Variants in NMNAT2 observed in about 807,000 individuals in gnomAD.
NMNAT2 encodes nicotinamide/nicotinic acid mononucleotide adenylyltransferase 2.
In NMNAT2, 11 loss-of-function variants were observed where a neutral mutation model predicts 41.6. That is an observed-to-expected ratio of 0.26 (90% confidence interval 0.17 to 0.44). The LOEUF is 0.44. Ranked by LOEUF, NMNAT2 falls within the 20% of genes least tolerant of loss-of-function variation. The probability of loss-of-function intolerance (pLI) is 1.00; values close to 1 mark genes in which losing one functional copy is unlikely to be tolerated. For missense variants in NMNAT2, 288 were observed against 407.7 expected (o/e 0.71, Z 2.53); for synonymous variants, 148 against 151.2 (o/e 0.98, Z 0.16).
intron 1 of NMNAT2, among the ~76,000 whole-genome samples, chr1:183,338,542 C>T (rs1011707034): frequency 2.0e-5 from 3 of 152,136 alleles, no homozygotes; most frequent in Admixed American, 6.5e-5. Context: ...ATGACTCACA[C>T]GGTCTTATGA....
chr1:183,404,543 A>G (rs1293967076), intron 1 of NMNAT2, among the ~76,000 whole-genome samples: 3 of 152,218 alleles, frequency 2.0e-5, no homozygotes, highest in African/African-American at 7.2e-5. Context: ...CTGATATAGG[A>G]ACATCTTCTA....
chr1:183,286,360 G>A (rs533218802), intron 5 of NMNAT2, among the ~76,000 whole-genome samples: 2 of 152,234 alleles, frequency 1.3e-5, no homozygotes, highest in Non-Finnish European at 2.9e-5. Context: ...CCAAAGTGCT[G>A]GGATTACAGG....
chr1:183,289,495 C>T (rs1423772093), intron 4 of NMNAT2, among the ~76,000 whole-genome samples: 1 of 152,252 alleles, frequency 6.6e-6, no homozygotes, highest in Admixed American at 6.5e-5. Flanking sequence ...AAGCTCTCGC[C>T]TATCTGTGTT....
At chr1:183,270,129 C>G (rs1224149930) in intron 8 of NMNAT2, among the ~76,000 whole-genome samples, 1 of 152,162 alleles carries the variant, frequency 6.6e-6, no homozygotes, top group Non-Finnish European at 1.5e-5. Flanking sequence ...CGTGATCCAC[C>G]CATCTCGGCC....
intron 1 of NMNAT2, among the ~76,000 whole-genome samples, chr1:183,307,932 C>G (rs1263597445): frequency 6.6e-6 from 1 of 152,136 alleles, no homozygotes; most frequent in Non-Finnish European, 1.5e-5. Context: ...GGGGAGGGCG[C>G]GTGCTGCATT....
At chr1:183,252,827 C>G in intron 10 of NMNAT2, 84 bp from the exon 11 acceptor site, 3 of 974,566 alleles carry the variant, frequency 3.1e-6, no homozygotes, top group Non-Finnish European at 5.0e-6. Context: ...CTCCCCAGCA[C>G]CCCATTTGTA....
Position 183,260,985 on chromosome 1 carries a change from C to A in NMNAT2, c.821+17G>T, listed in dbSNP as rs1400950567. The A allele has an allele frequency of 6.3e-7, 1 of 1,598,082 alleles. No homozygotes were observed. The highest frequency in any genetic ancestry group is 1.3e-5 in the African/African-American group (1 of 74,570). On this transcript the variant is annotated intron_variant, in intron 10 of 10. Transcript: ENST00000287713. ...GACAGTTTGACTAAAGTCTCTCTGG[C>A]CATTTGTCAAACATACCTGCTCTTG...
intron 1 of NMNAT2, among the ~76,000 whole-genome samples, chr1:183,340,187 A>G (rs1307094014): frequency 6.6e-6 from 1 of 152,216 alleles, no homozygotes; most frequent in African/African-American, 2.4e-5. Flanking sequence ...AAGAGCAGAC[A>G]TCTGTACTGG....
intron 1 of NMNAT2, among the ~76,000 whole-genome samples, chr1:183,376,906 T>A (rs1571626941): frequency 6.6e-6 from 1 of 152,048 alleles, no homozygotes; most frequent in Non-Finnish European, 1.5e-5. Context: ...CAGTTAACTA[T>A]CAAAAATAAG....
chr1:183,368,773 C>T lies in NMNAT2; in HGVS notation c.85+49410G>A, dbSNP rs182566568. Among the ~76,000 whole-genome samples, 60 of 152,316 alleles carry T rather than the reference C, an allele frequency of 3.9e-4. 2 individuals carry two copies. In the East Asian group the frequency reaches 0.011, roughly 27 times the overall value. On this transcript the variant is annotated intron_variant, in intron 1 of 10. Transcript: ENST00000287713. ...TCTCAGTCATCCTGCGTTGATACCA[C>T]TTAATTGGATGTATTCCCCAGTAGA...
rs1448372591 is a variant in NMNAT2, at chr1:183,341,522, G to A, written c.86-47729C>T. Among the ~76,000 whole-genome samples, 32 of 34,456 alleles carry A rather than the reference G, an allele frequency of 9.3e-4. No homozygotes were observed. The South Asian group carries it at 0.027, about 29-fold the overall frequency. The allele number at this position is 34,456 out of a possible 152,430, so 22.6% of individuals were successfully genotyped here. ...GCAAAACCCTGTCTCTACAAAAAAT[G>A]CAAAAAAAAAAAAAAAAAAAAAATT... On this transcript the variant is annotated intron_variant, in intron 1 of 10. Coordinates refer to ENST00000287713, the MANE Select transcript of NMNAT2 (RefSeq NM_015039.4).
intron 1 of NMNAT2, among the ~76,000 whole-genome samples, chr1:183,328,416 C>T (rs2102336812): frequency 6.6e-6 from 1 of 152,368 alleles, no homozygotes; most frequent in African/African-American, 2.4e-5. Context: ...GAATGCTCTT[C>T]TAGAATTTGC....
chr1:183,295,746 T>C (rs995523236), intron 1 of NMNAT2, among the ~76,000 whole-genome samples: 5 of 152,200 alleles, frequency 3.3e-5, no homozygotes, highest in African/African-American at 9.6e-5. Context: ...CAAAATGCCA[T>C]ATGGTTGGAA....
At chr1:183,292,887 A>C (rs1571578842) in intron 2 of NMNAT2, 30 bp from the exon 3 acceptor site, 1 of 1,607,592 alleles carries the variant, frequency 6.2e-7, no homozygotes, top group Admixed American at 1.7e-5. Flanking sequence ...TCATTGGGAG[A>C]CTCCCTCCGT....
rs534750520 is a variant in NMNAT2 at position 183,353,298 on chromosome 1, G to T, written c.86-59505C>A. 3.9e-4 allele frequency among the ~76,000 whole-genome samples: 60 copies of T among 152,260 alleles called. 2 individuals carry two copies. The East Asian group carries it at 0.011, about 27-fold the overall frequency. ...TGGGATTACAGGAGTGAGCCACTGT[G>T]CCCAGCCCTGAATACAACCTCTTAA... On this transcript the variant is annotated intron_variant, in intron 1 of 10. Transcript: ENST00000287713.
intron 1 of NMNAT2, among the ~76,000 whole-genome samples, chr1:183,355,245 C>G (rs1218443035): frequency 2.0e-5 from 3 of 152,228 alleles, no homozygotes; most frequent in African/African-American, 7.2e-5. Context: ...TGTGTTAGGT[C>G]CTCCTCATAT....
intron 1 of NMNAT2, among the ~76,000 whole-genome samples, chr1:183,320,341 G>A (rs745924152): frequency 2.0e-5 from 3 of 152,246 alleles, no homozygotes; most frequent in Admixed American, 6.5e-5. Flanking sequence ...GGTGGCTCAC[G>A]CCTGTAATCC....
At chr1:183,253,904 C>CGTGTGTGTGTGTGTGT (rs139756017) in intron 10 of NMNAT2, among the ~76,000 whole-genome samples, 4 of 144,264 alleles carry the variant, frequency 2.8e-5, no homozygotes, top group South Asian at 2.3e-4. Flanking sequence ...GTTCCACTTC[C>CGTGTGTGTGTGTGTGT]GTGTGTGTGT....
chr1:183,413,315 G>A (rs1411047073), intron 1 of NMNAT2, among the ~76,000 whole-genome samples: 1 of 152,114 alleles, frequency 6.6e-6, no homozygotes, highest in Non-Finnish European at 1.5e-5. Flanking sequence ...CTTTTTCTGG[G>A]CTCAAGCGGA....
Sources: gnomAD v4.1 joint callset for allele counts (sites outside exome capture counted in the v4.1 genomes callset) on GRCh38, gnomAD v4.1.1 for gene constraint, MANE v1.5 for transcripts, NCBI Gene and HGNC (gene_info 2026-07-23, HGNC 2026-07-21) for gene names.